NXPH1: variants seen among roughly 807,000 people sequenced by gnomAD.
NXPH1 encodes neurexophilin-1.
In NXPH1, 5 loss-of-function variants were observed where a neutral mutation model predicts 23.7. The observed-to-expected ratio is 0.21, with a 90% CI of 0.11 to 0.44. The LOEUF is 0.44. NXPH1 is among the 20% of genes least tolerant of loss of function. The pLI is 0.99. For synonymous variants in NXPH1, 144 were observed against 122.2 expected, an observed-to-expected ratio of 1.18 and a Z score of -1.18; for missense variants, 324 against 321.6, an observed-to-expected ratio of 1.01 and a Z score of -0.06.
chr7:8,635,144 A>C (rs1050528392), intron 2 of NXPH1, among the ~76,000 whole-genome samples: 5 of 152,170 alleles, frequency 3.3e-5, no homozygotes, highest in Non-Finnish European at 7.3e-5. Context: ...AAAGTGCTGA[A>C]TAAGATTTGC....
intron 2 of NXPH1, among the ~76,000 whole-genome samples, chr7:8,483,650 G>A (rs1817110790): frequency 6.6e-6 from 1 of 152,078 alleles, no homozygotes; most frequent in African/African-American, 2.4e-5. Context: ...ACCCTGATAT[G>A]AGACATATAA....
chr7:8,647,624 C>T (rs916011368), intron 2 of NXPH1, among the ~76,000 whole-genome samples: 7 of 151,772 alleles, frequency 4.6e-5, no homozygotes, highest in African/African-American at 1.2e-4. Flanking sequence ...GGTAAGTATT[C>T]CCTATCTTTT....
At position 8,752,559 on chromosome 7, in the gene NXPH1, T is replaced by C. The variant is rs1460091335; in HGVS notation, c.*790T>C. ...TGCTTAAAATAAGTTCTGATCATTATATAAGAAGGGAAATGCCTGGCAGAC... is the reference window on the plus strand; with the variant it reads ...TGCTTAAAATAAGTTCTGATCATTACATAAGAAGGGAAATGCCTGGCAGAC... On this transcript the variant is annotated 3_prime_UTR_variant, in exon 3 of 3. Coordinates refer to ENST00000405863, the MANE Select transcript of NXPH1 (RefSeq NM_152745.3). 4 of 152,572 alleles carry C rather than the reference T, an allele frequency of 2.6e-5. No individual in the cohort carries two copies. Among genetic ancestry groups the C allele is most frequent in the African/African-American group, 7.2e-5 (3 of 41,444 alleles). The allele number at this position is 152,572 out of a possible 1,614,324, so 9.5% of individuals were successfully genotyped here.
At position 8,518,976 on chromosome 7, in the gene NXPH1, G is replaced by A. The variant is rs114274482; in HGVS notation, c.54+83209G>A. 8.3e-3 allele frequency among the ~76,000 whole-genome samples: 1,257 copies of A among 151,252 alleles called. 16 individuals carry two copies. Among genetic ancestry groups the A allele is most frequent in the African/African-American group, 0.029 (1,211 of 41,142 alleles). ...TAGTGCATGCTGATTTTGTAGTTTT[G>A]TGAAGCTATGAGGAGATTGTATCTT... is the stretch of plus-strand genomic sequence containing the variant. On this transcript the variant is annotated intron_variant, in intron 2 of 2. Coordinates refer to ENST00000405863, the MANE Select transcript of NXPH1 (RefSeq NM_152745.3).
intron 2 of NXPH1, among the ~76,000 whole-genome samples, chr7:8,637,795 T>A (rs1459376449): frequency 6.6e-6 from 1 of 152,194 alleles, no homozygotes. Flanking sequence ...CTTACATAAG[T>A]GGTTTAAGTC....
At chr7:8,562,598 T>C in intron 2 of NXPH1, among the ~76,000 whole-genome samples, 1 of 151,622 alleles carries the variant, frequency 6.6e-6, no homozygotes, top group Non-Finnish European at 1.5e-5. Flanking sequence ...GACTAACACA[T>C]TCCTGTGCTT....
At chr7:8,515,155 C>G (rs1316488177) in intron 2 of NXPH1, among the ~76,000 whole-genome samples, 1 of 152,088 alleles carries the variant, frequency 6.6e-6, no homozygotes, top group Non-Finnish European at 1.5e-5. Flanking sequence ...AAAGGAATTT[C>G]TAATCTAGCT....
intron 2 of NXPH1, among the ~76,000 whole-genome samples, chr7:8,711,310 A>T (rs1411583788): frequency 1.3e-5 from 2 of 152,188 alleles, no homozygotes; most frequent in African/African-American, 4.8e-5. Context: ...ACATATTGTT[A>T]GGCTAGTCCA....
At chr7:8,570,919 G>A (rs962512427) in intron 2 of NXPH1, among the ~76,000 whole-genome samples, 1 of 151,806 alleles carries the variant, frequency 6.6e-6, no homozygotes, top group African/African-American at 2.4e-5. Flanking sequence ...AATTGCAATT[G>A]AGGGAAGACT....
intron 2 of NXPH1, among the ~76,000 whole-genome samples, chr7:8,547,140 C>T (rs1818208242): frequency 6.6e-6 from 1 of 151,352 alleles, no homozygotes; most frequent in Admixed American, 6.6e-5. Context: ...GATTCACAAC[C>T]CAATGCCCCC....
chr7:8,562,020 C>T (rs575377068), intron 2 of NXPH1, among the ~76,000 whole-genome samples: 2 of 151,796 alleles, frequency 1.3e-5, no homozygotes, highest in South Asian at 4.1e-4. Context: ...TGGCACTCAT[C>T]ATTTATTGAA....
At chr7:8,562,908 CATGTATT>C (rs141512200) in intron 2 of NXPH1, among the ~76,000 whole-genome samples, 10,398 of 151,594 alleles carry the variant, frequency 0.069, 379 homozygotes, top group Middle Eastern at 0.1. Context: ...TAAAAAATGA[CATGTATT>C]ATCTCTATAA....
At chr7:8,469,344 A>AG (rs2128608037) in intron 2 of NXPH1, among the ~76,000 whole-genome samples, 1 of 152,192 alleles carries the variant, frequency 6.6e-6, no homozygotes, top group South Asian at 2.1e-4. Context: ...TTAAAAAAAA[A>AG]TCTTTATTTG....
At chr7:8,583,704 G>A (rs956343708) in intron 2 of NXPH1, among the ~76,000 whole-genome samples, 3 of 152,166 alleles carry the variant, frequency 2.0e-5, no homozygotes, top group African/African-American at 4.8e-5. Flanking sequence ...AGCAACAAGT[G>A]CAGCAACAGT....
chr7:8,557,012 AGTC>A (rs1818368290), intron 2 of NXPH1, among the ~76,000 whole-genome samples: 1 of 151,728 alleles, frequency 6.6e-6, no homozygotes, highest in Admixed American at 6.6e-5. Context: ...TATGAATTGA[AGTC>A]GTCTAAATTC....
At chr7:8,588,669 T>G (rs1290454036) in intron 2 of NXPH1, among the ~76,000 whole-genome samples, 2 of 152,054 alleles carry the variant, frequency 1.3e-5, no homozygotes, top group African/African-American at 2.4e-5. Context: ...AGGTGCCCAA[T>G]GGATTTTGAA....
chr7:8,742,572 TTGG>T (rs1780385980), intron 2 of NXPH1, among the ~76,000 whole-genome samples: 1 of 118,362 alleles, frequency 8.4e-6, no homozygotes, highest in Non-Finnish European at 2.0e-5. Context: ...ATTTTGTTAA[TTGG>T]AAAATATATA....
At chr7:8,529,116 C>T (rs1234983339) in intron 2 of NXPH1, among the ~76,000 whole-genome samples, 1 of 152,256 alleles carries the variant, frequency 6.6e-6, no homozygotes, top group East Asian at 1.9e-4. Context: ...GCATTTACTC[C>T]TTCTCACCCT....
At chr7:8,695,131 T>A (rs1467191949) in intron 2 of NXPH1, among the ~76,000 whole-genome samples, 1 of 152,342 alleles carries the variant, frequency 6.6e-6, no homozygotes, top group East Asian at 1.9e-4. Context: ...CTATATTAAA[T>A]CTGGAATTAG....
Sources: allele counts gnomAD v4.1 joint callset (sites outside exome capture counted in the v4.1 genomes callset), GRCh38; gene constraint gnomAD v4.1.1; transcripts MANE v1.5; gene names NCBI Gene and HGNC (gene_info 2026-07-23, HGNC 2026-07-21).